Variants in CCDC148 observed in about 807,000 individuals in gnomAD.
CCDC148 encodes coiled-coil domain containing 148.
A neutral mutation model predicts 85.7 loss-of-function variants in CCDC148; 89 were observed. That is an observed-to-expected ratio of 1.04 (90% CI 0.87 to 1.24). The LOEUF (loss-of-function observed/expected upper bound fraction) is 1.24, where lower values mean the gene tolerates loss of function less well. CCDC148 is among the 50% of genes most tolerant of loss of function. The pLI is 0.00. For missense variants in CCDC148, 692 were observed against 671.7 expected, an observed-to-expected ratio of 1.03 and a Z score of -0.33; for synonymous variants, 230 against 213.9, an observed-to-expected ratio of 1.08 and a Z score of -0.66.
intron 9 of CCDC148, among the ~76,000 whole-genome samples, chr2:158,251,249 G>C (rs1432523825): frequency 6.6e-6 from 1 of 151,222 alleles, no homozygotes; most frequent in Non-Finnish European, 1.5e-5. Flanking sequence ...TTTTCCCGGA[G>C]GTTAAACAAC....
intron 10 of CCDC148, among the ~76,000 whole-genome samples, chr2:158,238,940 C>T (rs1688228898): frequency 6.6e-6 from 1 of 152,154 alleles, no homozygotes; most frequent in Admixed American, 6.5e-5. Context: ...GGTCAGACCA[C>T]TCAGGTTCAA....
intron 13 of CCDC148, 145 bp from the exon 14 acceptor site, chr2:158,172,404 T>C: frequency 1.6e-6 from 1 of 643,678 alleles, no homozygotes; most frequent in Non-Finnish European, 2.7e-6. Context: ...TGACTATATT[T>C]TGGAAACATC....
chr2:158,245,158 C>T (rs73966300), intron 10 of CCDC148, among the ~76,000 whole-genome samples: 5,739 of 152,176 alleles, frequency 0.038, 381 homozygotes, highest in African/African-American at 0.13. Flanking sequence ...GGTTACAGTC[C>T]TTTAACCTGC....
chr2:158,220,781 A>G lies in CCDC148; in HGVS notation c.1252-68T>C. The G allele has an allele frequency of 2.5e-6, 3 of 1,188,160 alleles. No homozygotes were observed. In the South Asian group the frequency reaches 4.1e-5, roughly 16 times the overall value. The allele number at this position is 1,188,160 out of a possible 1,614,324, so 73.6% of individuals were successfully genotyped here. On this transcript the variant is annotated intron_variant, in intron 10 of 13. Coordinates refer to ENST00000283233, the MANE Select transcript of CCDC148 (RefSeq NM_138803.4). The stretch of plus-strand genomic sequence containing the variant: ...ATGTAAAAATGAGGGAAAAGCCATA[A>G]CCATATCCACTGGTTCGTATTACAA...
chr2:158,291,880 T>C (rs1484764114), intron 9 of CCDC148, among the ~76,000 whole-genome samples: 1 of 152,218 alleles, frequency 6.6e-6, no homozygotes, highest in Non-Finnish European at 1.5e-5. Flanking sequence ...TCACTAAGTA[T>C]ATTACTAACA....
chr2:158,210,787 C>CAAAAAAA (rs34273946), intron 11 of CCDC148, among the ~76,000 whole-genome samples: 10 of 89,480 alleles, frequency 1.1e-4, no homozygotes, highest in East Asian at 3.0e-4. Context: ...ACTAAAAATA[C>CAAAAAAA]AAAAAAAAAA....
At chr2:158,232,540 G>C (rs2105314152) in intron 10 of CCDC148, among the ~76,000 whole-genome samples, 1 of 152,134 alleles carries the variant, frequency 6.6e-6, no homozygotes, top group Non-Finnish European at 1.5e-5. Flanking sequence ...TTACACATAG[G>C]AAGCAGAAAG....
chr2:158,455,510 C>A (rs1340675733), intron 1 of CCDC148, among the ~76,000 whole-genome samples: 1 of 151,996 alleles, frequency 6.6e-6, no homozygotes, highest in Admixed American at 6.5e-5. Flanking sequence ...AAATTCAGAA[C>A]AATACTTAGA....
rs1465891817 is a variant in CCDC148 at position 158,340,389 on chromosome 2, T to C, written c.339A>G (p.Gln113=). Residue 113 remains glutamine (Q), a synonymous_variant, in exon 5 of 14, where the codon CAA becomes CAG. Coordinates refer to ENST00000283233, the MANE Select transcript of CCDC148 (RefSeq NM_138803.4). The part of the protein sequence containing the change: ...ECLCDLTNFE[Q]ELSEQQCTYL... The stretch of plus-strand genomic sequence containing the variant: ...ATGTGCACTGTTGTTCTGATAGCTC[T>C]TGCTCTATGGTGAAACAAAATTGAA... 12 of 1,613,432 alleles carry C rather than the reference T, an allele frequency of 7.4e-6. No homozygotes were observed. In the African/African-American group the frequency reaches 1.5e-4, roughly 20 times the overall value.
intron 1 of CCDC148, among the ~76,000 whole-genome samples, chr2:158,446,616 T>C (rs1688167621): frequency 6.6e-6 from 1 of 152,226 alleles, no homozygotes; most frequent in South Asian, 2.1e-4. Flanking sequence ...TTTTTATTTA[T>C]AATAGCTTTA....
chr2:158,355,486 C>A (rs1417164949), intron 2 of CCDC148, among the ~76,000 whole-genome samples: 2 of 151,044 alleles, frequency 1.3e-5, no homozygotes, highest in Non-Finnish European at 2.9e-5. Context: ...ACAATTGCTT[C>A]AAAGAGAATA....
chr2:158,204,707 G>A (rs913964744), intron 11 of CCDC148, among the ~76,000 whole-genome samples: 1 of 148,524 alleles, frequency 6.7e-6, no homozygotes, highest in Non-Finnish European at 1.5e-5. Flanking sequence ...TCCTCTCCAC[G>A]CCCTGTCAAA....
chr2:158,392,569 G>A (rs762134823), intron 1 of CCDC148, among the ~76,000 whole-genome samples: 6 of 151,766 alleles, frequency 4.0e-5, no homozygotes, highest in Non-Finnish European at 5.9e-5. Flanking sequence ...CCCAAATCCA[G>A]AACACTTCTG....
chr2:158,202,067 G>C (rs1685992993), intron 11 of CCDC148, among the ~76,000 whole-genome samples: 1 of 152,020 alleles, frequency 6.6e-6, no homozygotes, highest in South Asian at 2.1e-4. Flanking sequence ...AGTAAAACTG[G>C]GTAGAAATTA....
intron 1 of CCDC148, among the ~76,000 whole-genome samples, chr2:158,408,375 A>G (rs1201203265): frequency 1.3e-5 from 2 of 152,106 alleles, no homozygotes; most frequent in Non-Finnish European, 2.9e-5. Context: ...CCTTTGACCA[A>G]TATTTCCCCA....
At chr2:158,323,272 T>C (rs1271784155) in intron 7 of CCDC148, among the ~76,000 whole-genome samples, 2 of 152,224 alleles carry the variant, frequency 1.3e-5, no homozygotes, top group East Asian at 1.9e-4. Context: ...AGATGTGTTC[T>C]AAATATAAAA....
chr2:158,215,495 G>C (rs149015903), intron 11 of CCDC148, among the ~76,000 whole-genome samples: 1 of 151,806 alleles, frequency 6.6e-6, no homozygotes, highest in East Asian at 1.9e-4. Flanking sequence ...CTTGTAGTAG[G>C]AGCAATATGC....
chr2:158,418,912 T>C (rs1277020805), intron 1 of CCDC148, among the ~76,000 whole-genome samples: 1 of 152,160 alleles, frequency 6.6e-6, no homozygotes, highest in East Asian at 1.9e-4. Context: ...GAAAACAAAA[T>C]TGTAACTTTT....
At chr2:158,352,701 G>A (rs572240291) in intron 2 of CCDC148, among the ~76,000 whole-genome samples, 1,527 of 151,646 alleles carry the variant, frequency 0.01, 19 homozygotes, top group African/African-American at 0.034. Context: ...GCAGGCCAAT[G>A]TTCAGATTCA....
Sources: gnomAD v4.1 joint callset for allele counts (sites outside exome capture counted in the v4.1 genomes callset) on GRCh38, gnomAD v4.1.1 for gene constraint, MANE v1.5 for transcripts, NCBI Gene and HGNC (gene_info 2026-07-23, HGNC 2026-07-21) for gene names.